The following SPEF2 variants were observed in gnomAD, a reference collection of about 807,000 sequenced individuals.
SPEF2 encodes the protein sperm flagellar and cilia associated 2.
A neutral mutation model predicts 224.6 loss-of-function variants in SPEF2; 187 were observed. The ratio of observed to expected loss-of-function variants is 0.83; its 90% confidence interval spans 0.74 to 0.94. SPEF2 has a LOEUF of 0.94. SPEF2 is among the 40% of genes least tolerant of loss of function. The pLI, the probability that SPEF2 is intolerant of heterozygous loss-of-function variation, is 0.00. For missense variants in SPEF2, 2,170 were observed against 2,135.6 expected (o/e 1.02, Z -0.32); for synonymous variants, 715 against 707.3 (o/e 1.01, Z -0.17).
chr5:35,756,032 T>A (rs1750388692), intron 24 of SPEF2, among the ~76,000 whole-genome samples: 1 of 152,184 alleles, frequency 6.6e-6, no homozygotes, highest in Non-Finnish European at 1.5e-5. Flanking sequence ...AGGTTTATTT[T>A]CCATAGTTTG....
Position 35,700,605 on chromosome 5 carries a change from G to A in SPEF2, c.2251G>A (p.Val751Met). 2.5e-6 allele frequency: 4 copies of A among 1,613,840 alleles called. No individual in the cohort carries two copies. The highest frequency in any genetic ancestry group is 3.4e-6 in the Non-Finnish European group (4 of 1,179,922). The part of the protein sequence containing the change: ...LTGCNRNLTE[V>M]ERKKAQKSTL... ...AGGCTGCAATAGAAACCTCACAGAA[G>A]TGGAAAGAAAAAAAGCACAAAAATC... The change falls in exon 16 of 37, where the codon GTG (valine) becomes ATG (methionine). Residue 751 changes from valine (V) to methionine (M), a missense_variant. Coordinates refer to ENST00000356031, the MANE Select transcript of SPEF2 (RefSeq NM_024867.4).
intron 17 of SPEF2, 98 bp from the exon 18 acceptor site, chr5:35,705,545 TATTGGCAG>T: frequency 1.3e-6 from 1 of 747,356 alleles, no homozygotes; most frequent in Non-Finnish European, 2.1e-6. Context: ...GATACAATTA[TATTGGCAG>T]CCTGTCTTTT....
At chr5:35,693,654 G>T (rs1251687346) in intron 12 of SPEF2, among the ~76,000 whole-genome samples, 2 of 152,098 alleles carry the variant, frequency 1.3e-5, no homozygotes, top group East Asian at 3.9e-4. Flanking sequence ...CTTGTCAATA[G>T]CTTCTCTATG....
chr5:35,664,661 A>G (rs1750197117), intron 8 of SPEF2, among the ~76,000 whole-genome samples: 1 of 151,226 alleles, frequency 6.6e-6, no homozygotes, highest in Non-Finnish European at 1.5e-5. Flanking sequence ...GCTCTGGATG[A>G]CAGCAAGACT....
chr5:35,697,508 G>C (rs115252385), intron 14 of SPEF2, among the ~76,000 whole-genome samples, 182 bp from the exon 15 acceptor site: 9 of 152,172 alleles, frequency 5.9e-5, no homozygotes, highest in Non-Finnish European at 8.8e-5. Flanking sequence ...AGGGAGGCTC[G>C]AAGGAAGAGC....
At position 35,784,924 on chromosome 5, in the gene SPEF2, G is replaced by A. The variant is rs75828376; in HGVS notation, c.4447+5578G>A. On this transcript the variant is annotated intron_variant, in intron 30 of 36. Coordinates refer to ENST00000356031, the MANE Select transcript of SPEF2 (RefSeq NM_024867.4). ...TCAGAGAACCCAGAGGCAGGAATAA[G>A]GGCACCTGAGTGGTTGGTTGCCTGA... 5.7e-3 allele frequency among the ~76,000 whole-genome samples: 867 copies of A among 152,278 alleles called. 9 individuals are homozygous for A. Among genetic ancestry groups the A allele is most frequent in the African/African-American group, 0.02 (828 of 41,546 alleles).
At chr5:35,635,438 A>T (rs562331130) in intron 2 of SPEF2, among the ~76,000 whole-genome samples, 1 of 152,246 alleles carries the variant, frequency 6.6e-6, no homozygotes, top group South Asian at 2.1e-4. Context: ...TTTACCATGA[A>T]ATATCTTGCT....
At position 35,710,647 on chromosome 5, in the gene SPEF2, T is replaced by C. The variant is rs1019513326; in HGVS notation, c.2839+1526T>C. 10 of 984,660 alleles carry C rather than the reference T, an allele frequency of 1.0e-5. No individual in the cohort carries two copies. In the Admixed American group the frequency reaches 2.5e-4, roughly 24 times the overall value. 61.0% of individuals were successfully genotyped at this position (984,660 alleles called of 1,614,324 possible). ...TTATCGAATATCGTCCTTTAACCTATAGCTATGACTCTAGGTTAAAGCTCC... is the reference window on the plus strand; with the variant it reads ...TTATCGAATATCGTCCTTTAACCTACAGCTATGACTCTAGGTTAAAGCTCC... On this transcript the variant is annotated intron_variant, in intron 19 of 36. Transcript: ENST00000356031.
chr5:35,763,664 G>A lies in SPEF2; in HGVS notation c.3763G>A (p.Asp1255Asn), dbSNP rs1191969655. Residue 1255 changes from aspartate (D) to asparagine (N), a missense_variant, in exon 26 of 37, where the codon GAC becomes AAC. Physicochemically the swap from Asp to Asn is conservative, Grantham distance 23. Coordinates refer to ENST00000356031, the MANE Select transcript of SPEF2 (RefSeq NM_024867.4). Reference protein sequence around the residue: ...NFEADEKLVMDTWQQASLAVS... With the variant: ...NFEADEKLVMNTWQQASLAVS... ...TGAGGCCGATGAAAAGTTGGTCATG[G>A]ACACCTGGCAGCAGGCTTCTTTAGC... is the stretch of plus-strand genomic sequence containing the variant. 1 of 1,613,264 alleles carries A rather than the reference G, an allele frequency of 6.2e-7. No individual in the cohort carries two copies. Among genetic ancestry groups the A allele is most frequent in the Admixed American group, 1.7e-5 (1 of 59,826 alleles).
chr5:35,797,418 T>C (rs1756829604), intron 33 of SPEF2, among the ~76,000 whole-genome samples: 1 of 151,822 alleles, frequency 6.6e-6, no homozygotes, highest in Non-Finnish European at 1.5e-5. Context: ...GCCCCATGGG[T>C]GTCTCTGAGA....
intron 30 of SPEF2, among the ~76,000 whole-genome samples, chr5:35,787,376 T>C (rs1755306304): frequency 6.6e-6 from 1 of 152,110 alleles, no homozygotes; most frequent in Non-Finnish European, 1.5e-5. Flanking sequence ...CTACCATGTA[T>C]GCTCTATTAT....
intron 33 of SPEF2, among the ~76,000 whole-genome samples, chr5:35,799,144 C>T (rs539398231): frequency 9.5e-4 from 144 of 152,288 alleles, no homozygotes; most frequent in African/African-American, 3.1e-3. Context: ...TTAGAAGGTC[C>T]AGCACCATAT....
intron 25 of SPEF2, among the ~76,000 whole-genome samples, chr5:35,760,233 G>A (rs978369156): frequency 6.6e-6 from 1 of 151,696 alleles, no homozygotes. Flanking sequence ...CGTAGTGGCG[G>A]GCGCCTGTAG....
At chr5:35,681,912 G>T (rs752914333) in intron 10 of SPEF2, among the ~76,000 whole-genome samples, 1 of 152,198 alleles carries the variant, frequency 6.6e-6, no homozygotes, top group Non-Finnish European at 1.5e-5. Flanking sequence ...GACACATCTG[G>T]TGAAAAGGAC....
chr5:35,759,801 T>A (rs1750968889), intron 25 of SPEF2, 82 bp downstream of exon 25: 1 of 1,300,740 alleles, frequency 7.7e-7, no homozygotes, highest in Admixed American at 2.5e-5. Flanking sequence ...CTAATAAAAA[T>A]CACACTCCTT....
chr5:35,645,262 C>A (rs2149411311), intron 4 of SPEF2, among the ~76,000 whole-genome samples: 1 of 152,202 alleles, frequency 6.6e-6, no homozygotes, highest in African/African-American at 2.4e-5. Context: ...GATTTATTTG[C>A]AATGATAAGA....
intron 34 of SPEF2, among the ~76,000 whole-genome samples, chr5:35,803,113 A>G (rs1044054974): frequency 2.0e-5 from 3 of 152,190 alleles, no homozygotes; most frequent in Admixed American, 6.5e-5. Context: ...CCAGGAAAGA[A>G]GTGAAGAAGG....
intron 23 of SPEF2, among the ~76,000 whole-genome samples, chr5:35,749,636 T>C (rs567133838): frequency 2.0e-5 from 3 of 151,892 alleles, no homozygotes; most frequent in East Asian, 1.9e-4. Flanking sequence ...CTTAGGAATA[T>C]ACCTAACCAA....
chr5:35,707,836 A>G (rs76662882), intron 18 of SPEF2, among the ~76,000 whole-genome samples: 9 of 152,140 alleles, frequency 5.9e-5, no homozygotes, highest in Admixed American at 2.0e-4. Flanking sequence ...CTTTGCTCAG[A>G]TGTCACCTTA....
Sources: gnomAD v4.1 joint callset for allele counts (sites outside exome capture counted in the v4.1 genomes callset) on GRCh38, gnomAD v4.1.1 for gene constraint, MANE v1.5 for transcripts, NCBI Gene and HGNC (gene_info 2026-07-23, HGNC 2026-07-21) for gene names.